CELF4: variants seen among roughly 807,000 people sequenced by gnomAD.
The protein encoded by CELF4 is CUGBP Elav-like family member 4.
In CELF4, 18 loss-of-function variants were observed where a neutral mutation model predicts 59.9. The ratio of observed to expected loss-of-function variants is 0.30; its 90% confidence interval spans 0.21 to 0.45. The LOEUF (loss-of-function observed/expected upper bound fraction) is 0.45. CELF4 is among the 20% of genes least tolerant of loss of function. The pLI is 1.00. For synonymous variants in CELF4, 261 were observed against 267.1 expected, an observed-to-expected ratio of 0.98 and a Z score of 0.22; for missense variants, 456 against 689.0, an observed-to-expected ratio of 0.66 and a Z score of 3.79.
chr18:37,491,576 G>A (rs1241629655), intron 1 of CELF4, among the ~76,000 whole-genome samples: 2 of 152,164 alleles, frequency 1.3e-5, no homozygotes, highest in African/African-American at 4.8e-5. Context: ...GGGACTATGG[G>A]GGTGGGGGAA....
At position 37,245,239 on chromosome 18, in the gene CELF4, AAC is replaced by A. The variant is rs2061603453; in HGVS notation, c.*45-44_*45-43del. The A allele has an allele frequency of 6.6e-6, 1 of 152,172 alleles. No individual in the cohort carries two copies. The highest frequency in any genetic ancestry group is 6.5e-5 in the Admixed American group (1 of 15,274). The allele number at this position is 152,172 out of a possible 1,614,324, so 9.4% of individuals were successfully genotyped here. ...CAGGGCTGATTAAGCCAAGAGGGAAAACACAAACAGCATCCAAACACCAATAG... is the reference window on the plus strand; with the variant it reads ...CAGGGCTGATTAAGCCAAGAGGGAAAACAAACAGCATCCAAACACCAATAG... On this transcript the variant is annotated intron_variant, in intron 12 of 12. Coordinates refer to ENST00000420428, the MANE Select transcript of CELF4 (RefSeq NM_020180.4). This position sits in a 1 kb window ranked among gnomAD's most constrained non-coding sequence, Gnocchi z 4.1.
intron 2 of CELF4, among the ~76,000 whole-genome samples, chr18:37,413,759 T>C (rs956049131): frequency 4.6e-5 from 7 of 152,284 alleles, no homozygotes; most frequent in Admixed American, 4.6e-4. Context: ...CAGAGCCCCA[T>C]TCCTCCTCTC....
chr18:37,558,929 G>A (rs927222180), intron 1 of CELF4, among the ~76,000 whole-genome samples: 2 of 151,802 alleles, frequency 1.3e-5, no homozygotes, highest in African/African-American at 2.4e-5. Flanking sequence ...CTGGCCACTC[G>A]GCCACTCAGA....
intron 2 of CELF4, among the ~76,000 whole-genome samples, chr18:37,354,545 AG>A (rs1334019479): frequency 1.3e-5 from 2 of 152,204 alleles, no homozygotes; most frequent in African/African-American, 2.4e-5. Flanking sequence ...TGGTTCCCGT[AG>A]GTAGGTAAAA....
chr18:37,516,695 C>T (rs2099950965), intron 1 of CELF4, among the ~76,000 whole-genome samples: 1 of 152,172 alleles, frequency 6.6e-6, no homozygotes, highest in African/African-American at 2.4e-5. Context: ...TGGCAGAAAG[C>T]CAATTCAGAA....
intron 6 of CELF4, chr18:37,273,612 C>T: frequency 5.1e-6 from 5 of 989,958 alleles, no homozygotes; most frequent in Non-Finnish European, 6.0e-6. Flanking sequence ...AATAGAACCC[C>T]AGGCACCCCT....
chr18:37,521,337 C>G (rs1321828893), intron 1 of CELF4, among the ~76,000 whole-genome samples: 2 of 152,098 alleles, frequency 1.3e-5, no homozygotes, highest in Non-Finnish European at 2.9e-5. Flanking sequence ...TCCCCCAGCC[C>G]TCCACCCCAA....
At chr18:37,425,010 C>A (rs1489258738) in intron 2 of CELF4, among the ~76,000 whole-genome samples, 3 of 152,348 alleles carry the variant, frequency 2.0e-5, no homozygotes, top group South Asian at 2.1e-4. Context: ...GTCCCCAAGG[C>A]AGGTTCTTAG....
intron 3 of CELF4, among the ~76,000 whole-genome samples, chr18:37,291,701 C>T (rs2095343524): frequency 6.6e-6 from 1 of 152,146 alleles, no homozygotes; most frequent in Non-Finnish European, 1.5e-5. Context: ...AGGGTGGTTC[C>T]CTCTACTCAT....
intron 2 of CELF4, among the ~76,000 whole-genome samples, chr18:37,389,915 AGT>A (rs2099139997): frequency 6.6e-6 from 1 of 152,238 alleles, no homozygotes; most frequent in Admixed American, 6.5e-5. Context: ...GTCAGGAAGC[AGT>A]CTGGACTCCT....
At chr18:37,306,556 C>T (rs1032529422) in intron 3 of CELF4, among the ~76,000 whole-genome samples, 1 of 152,208 alleles carries the variant, frequency 6.6e-6, no homozygotes, top group Admixed American at 6.5e-5. Flanking sequence ...GTCTGCTTGG[C>T]AGAGCCGGGT....
At chr18:37,339,299 T>C (rs923339260) in intron 2 of CELF4, among the ~76,000 whole-genome samples, 1 of 152,150 alleles carries the variant, frequency 6.6e-6, no homozygotes, top group Admixed American at 6.5e-5. Flanking sequence ...AGAGTGTTTG[T>C]CCCCCAAATG....
intron 2 of CELF4, among the ~76,000 whole-genome samples, chr18:37,361,377 AC>A (rs1193406095): frequency 6.6e-6 from 1 of 152,160 alleles, no homozygotes; most frequent in Non-Finnish European, 1.5e-5. Context: ...CAGCTGCCTG[AC>A]GGGTTCCTGT....
At chr18:37,442,922 T>G (rs970044464) in intron 2 of CELF4, among the ~76,000 whole-genome samples, 3 of 152,220 alleles carry the variant, frequency 2.0e-5, no homozygotes, top group Admixed American at 6.5e-5. Context: ...CACTGCCTTC[T>G]GGGTTAGTTT....
chr18:37,259,045 C>A (rs1227602389), intron 11 of CELF4, 136 bp downstream of exon 11: 2 of 1,392,714 alleles, frequency 1.4e-6, no homozygotes, highest in South Asian at 2.6e-5. Flanking sequence ...AGGTTAAAAG[C>A]AGTCGGACAC....
At chr18:37,318,758 A>G (rs1160910468) in intron 3 of CELF4, among the ~76,000 whole-genome samples, 2 of 151,874 alleles carry the variant, frequency 1.3e-5, no homozygotes, top group African/African-American at 4.8e-5. Flanking sequence ...TCAGAGAGCT[A>G]TTGCCTCTGA....
chr18:37,440,857 A>G (rs1412507547), intron 2 of CELF4, among the ~76,000 whole-genome samples: 1 of 151,966 alleles, frequency 6.6e-6, no homozygotes, highest in East Asian at 1.9e-4. Flanking sequence ...CAAACTACAG[A>G]CCCTCTGGGC....
At chr18:37,382,595 A>G (rs1346741683) in intron 2 of CELF4, among the ~76,000 whole-genome samples, 1 of 152,240 alleles carries the variant, frequency 6.6e-6, no homozygotes, top group Non-Finnish European at 1.5e-5. Context: ...GTGCATGTGT[A>G]CACACATGCC....
chr18:37,469,590 G>A (rs2099816421), intron 2 of CELF4, among the ~76,000 whole-genome samples: 1 of 152,164 alleles, frequency 6.6e-6, no homozygotes, highest in Non-Finnish European at 1.5e-5. Flanking sequence ...AGTTAACCTT[G>A]CAAATTAAAA....
Sources: gnomAD v4.1 joint callset for allele counts (sites outside exome capture counted in the v4.1 genomes callset) on GRCh38, gnomAD v4.1.1 for gene constraint, Gnocchi (gnomAD v3.1) non-coding constraint, MANE v1.5 for transcripts, NCBI Gene and HGNC (gene_info 2026-07-23, HGNC 2026-07-21) for gene names.